Variants in DDX60L observed in about 807,000 individuals in gnomAD.
DDX60L encodes DExD/H-box 60 like.
DDX60L carries 191 observed loss-of-function variants against 211.6 expected under a neutral mutation model. That is an observed-to-expected ratio of 0.90 (90% CI 0.80 to 1.02). The LOEUF (loss-of-function observed/expected upper bound fraction) is 1.02, where lower values mean the gene tolerates loss of function less well. DDX60L is among the 50% of genes least tolerant of loss of function. The pLI is 0.00. For missense variants in DDX60L, 2,007 were observed against 1,984.1 expected, an observed-to-expected ratio of 1.01 and a Z score of -0.22; for synonymous variants, 706 against 694.1, an observed-to-expected ratio of 1.02 and a Z score of -0.27.
At chr4:168,453,782 TA>T (rs1451119990) in intron 7 of DDX60L, among the ~76,000 whole-genome samples, 2 of 152,136 alleles carry the variant, frequency 1.3e-5, no homozygotes, top group Non-Finnish European at 2.9e-5. Flanking sequence ...TATGGAAGGT[TA>T]AAAAAACCTT....
At chr4:168,369,534 T>A (rs987701905) in intron 36 of DDX60L, among the ~76,000 whole-genome samples, 1 of 147,000 alleles carries the variant, frequency 6.8e-6, no homozygotes. Flanking sequence ...TGGGCAAGGA[T>A]TTTTTAAATA....
At chr4:168,386,317 T>G (rs1364434662) in intron 29 of DDX60L, among the ~76,000 whole-genome samples, 1 of 152,050 alleles carries the variant, frequency 6.6e-6, no homozygotes, top group Non-Finnish European at 1.5e-5. Context: ...AGTAATGAAA[T>G]TTAAAAAGTG....
chr4:168,435,393 T>C (rs1752899423), intron 10 of DDX60L, among the ~76,000 whole-genome samples: 1 of 152,196 alleles, frequency 6.6e-6, no homozygotes, highest in African/African-American at 2.4e-5. Context: ...ATTAAGGACT[T>C]GAAAAATACA....
intron 27 of DDX60L, chr4:168,395,652 C>A (rs1745638014): frequency 4.8e-6 from 1 of 206,472 alleles, no homozygotes; most frequent in Non-Finnish European, 9.5e-6. Flanking sequence ...GTCATAAAAC[C>A]CAAACGTGAC....
rs1752575905 is a variant in DDX60L at position 168,433,038 on chromosome 4, T to G, written c.1372A>C (p.Met458Leu). The G allele has an allele frequency of 1.2e-6, 2 of 1,609,036 alleles. No individual in the cohort carries two copies. Among genetic ancestry groups the G allele is most frequent in the Non-Finnish European group, 1.7e-6 (2 of 1,177,432 alleles). ...TTTAGAATAGGCAAATCCTTCATCA[T>G]ATCTCCAACAAACTCATCAATTACA... ...SAVIDEFVGD[M>L]MKDLPILKSD... The change falls in exon 11 of 38, where the codon ATG (methionine) becomes CTG (leucine). Residue 458 changes from methionine (M) to leucine (L), a missense_variant. Met to Leu is a conservative substitution (Grantham distance 15). Coordinates refer to ENST00000682922, the MANE Select transcript of DDX60L (RefSeq NM_001012967.3).
Position 168,471,968 on chromosome 4 carries a change from C to T in DDX60L, c.75-32G>A, listed in dbSNP as rs370099255. ...TAAAAATCAAAGAGAATAAAAATCA[C>T]AGATGTTTCACAGAGACTTTGTTGC... On this transcript the variant is annotated intron_variant, in intron 3 of 37. Coordinates refer to ENST00000682922, the MANE Select transcript of DDX60L (RefSeq NM_001012967.3). The T allele has an allele frequency of 5.0e-5, 75 of 1,500,334 alleles. No individual in the cohort carries two copies. In the Middle Eastern group the frequency reaches 1.2e-3, roughly 24 times the overall value. 92.9% of individuals were successfully genotyped at this position (1,500,334 alleles called of 1,614,324 possible).
chr4:168,420,123 T>A, intron 18 of DDX60L, 138 bp downstream of exon 18: 3 of 750,838 alleles, frequency 4.0e-6, no homozygotes, highest in South Asian at 5.0e-5. Flanking sequence ...TAAATTTTCC[T>A]TAGAGCAATT....
intron 29 of DDX60L, among the ~76,000 whole-genome samples, chr4:168,389,933 AATAAC>A (rs1744507373): frequency 6.6e-6 from 1 of 152,204 alleles, no homozygotes; most frequent in South Asian, 2.1e-4. Context: ...ACAAATTGTA[AATAAC>A]ATAGAAATAA....
At chr4:168,369,055 T>G (rs914757830) in intron 36 of DDX60L, among the ~76,000 whole-genome samples, 2 of 152,206 alleles carry the variant, frequency 1.3e-5, no homozygotes, top group Non-Finnish European at 2.9e-5. Flanking sequence ...TCTGGGGGAC[T>G]GCTGGGAAGG....
intron 36 of DDX60L, among the ~76,000 whole-genome samples, chr4:168,370,009 T>C (rs1042700738): frequency 6.6e-6 from 1 of 152,188 alleles, no homozygotes; most frequent in African/African-American, 2.4e-5. Context: ...GAAAACAGTG[T>C]GTAAATTCTT....
Position 168,379,346 on chromosome 4 carries a change from A to G in DDX60L, c.4363+17T>C. 6.5e-7 allele frequency: 1 copy of G among 1,537,366 alleles called. No individual in the cohort carries two copies. The highest frequency in any genetic ancestry group is 1.3e-5 in the South Asian group (1 of 76,474). ...ATGTTGCCATTTTTCGACTACAGGT[A>G]TAAAACCCAAGCTTACCTTTCCAGG... On this transcript the variant is annotated intron_variant, in intron 32 of 37. Transcript: ENST00000682922.
intron 36 of DDX60L, 162 bp from the exon 37 acceptor site, chr4:168,361,373 T>C (rs778011185): frequency 9.7e-6 from 5 of 515,648 alleles, no homozygotes; most frequent in Middle Eastern, 5.3e-4. Flanking sequence ...TTGAGAGGCA[T>C]AGGTAAAAAC....
chr4:168,379,569 G>T, intron 31 of DDX60L, 65 bp from the exon 32 acceptor site: 1 of 1,289,770 alleles, frequency 7.8e-7, no homozygotes, highest in Non-Finnish European at 1.1e-6. Context: ...AAATACCAGT[G>T]TGAGTGACTG....
Position 168,471,869 on chromosome 4 carries a change from C to A in DDX60L, c.142G>T (p.Val48Phe). The A allele has an allele frequency of 6.2e-7, 1 of 1,613,002 alleles. No homozygotes were observed. Among genetic ancestry groups the A allele is most frequent in the Non-Finnish European group, 8.5e-7 (1 of 1,179,684 alleles). ...AATGATTTTACACCCAGGCATGTGA[C>A]AAGCAAGGAATCTCCATCAATCACA... ...FFVIDGDSLL[V>F]TCLGVKSFKW... Residue 48 changes from valine to phenylalanine, a missense_variant, in exon 4 of 38, where the codon GTC becomes TTC. Transcript: ENST00000682922.
intron 27 of DDX60L, among the ~76,000 whole-genome samples, chr4:168,394,910 C>T (rs965934523): frequency 6.6e-6 from 1 of 152,192 alleles, no homozygotes; most frequent in Non-Finnish European, 1.5e-5. Context: ...CTGAGAGAGA[C>T]AGACTACTTC....
chr4:168,446,014 T>C (rs1754730294), intron 9 of DDX60L, among the ~76,000 whole-genome samples: 1 of 147,952 alleles, frequency 6.8e-6, no homozygotes, highest in Admixed American at 6.8e-5. Context: ...AACATAGTGT[T>C]GGAAGTTCTG....
intron 15 of DDX60L, 143 bp from the exon 16 acceptor site, chr4:168,422,813 T>A: frequency 1.5e-6 from 1 of 669,768 alleles, no homozygotes; most frequent in Non-Finnish European, 2.5e-6. Context: ...TCTTTCTCTG[T>A]CACCCAGGCT....
At chr4:168,475,400 T>C (rs1759337967) in intron 1 of DDX60L, among the ~76,000 whole-genome samples, 2 of 152,226 alleles carry the variant, frequency 1.3e-5, no homozygotes, top group Admixed American at 6.5e-5. Context: ...TTATATAGAA[T>C]GCATTTCCTA....
chr4:168,415,569 A>C (rs1322981191), intron 21 of DDX60L, 52 bp from the exon 22 acceptor site: 20 of 1,444,828 alleles, frequency 1.4e-5, no homozygotes, highest in Non-Finnish European at 1.9e-5. Flanking sequence ...GATTATTAGA[A>C]TATGGATTTA....
Sources: allele counts gnomAD v4.1 joint callset (sites outside exome capture counted in the v4.1 genomes callset), GRCh38; gene constraint gnomAD v4.1.1; transcripts MANE v1.5; gene names NCBI Gene and HGNC (gene_info 2026-07-23, HGNC 2026-07-21).